The following DNAH5 variants were observed in gnomAD, a reference collection of about 807,000 sequenced individuals.
DNAH5 encodes the protein dynein axonemal heavy chain 5.
Under a neutral mutation model 518.2 loss-of-function variants are expected in DNAH5, and 372 were observed. That is an observed-to-expected ratio of 0.72 (90% CI 0.66 to 0.78). The LOEUF is 0.78. Among genes scored for constraint, DNAH5 ranks in the 30% least tolerant of loss-of-function variants. The pLI is 0.00. For synonymous variants in DNAH5, 2,039 were observed against 2,025.9 expected (o/e 1.01, Z -0.17); for missense variants, 5,523 against 5,687.0 (o/e 0.97, Z 0.93).
intron 31 of DNAH5, among the ~76,000 whole-genome samples, chr5:13,845,537 T>C (rs16902842): frequency 0.4 from 61,075 of 151,640 alleles, 12,704 homozygotes; most frequent in East Asian, 0.61. Context: ...TCGTCTCTGC[T>C]TCCAGGAGTT....
chr5:13,911,257 G>T (rs2151977435), intron 12 of DNAH5, 129 bp downstream of exon 12: 1 of 733,936 alleles, frequency 1.4e-6, no homozygotes, highest in South Asian at 1.5e-5. Context: ...AACACAGGCT[G>T]AGGTTGCTAT....
chr5:13,769,255 T>G lies in DNAH5; in HGVS notation c.9721-119A>C, dbSNP rs1752962454. The G allele has an allele frequency of 6.6e-6, 8 of 1,210,616 alleles. No homozygotes were observed. The East Asian group carries it at 1.9e-4, about 29-fold the overall frequency. The allele number at this position is 1,210,616 out of a possible 1,614,324, so 75.0% of individuals were successfully genotyped here. A position where few individuals can be genotyped will look rare whatever the true frequency, so the allele number is the denominator to read the frequency against. On this transcript the variant is annotated intron_variant, in intron 57 of 78. Coordinates refer to ENST00000265104, the MANE Select transcript of DNAH5 (RefSeq NM_001369.3). ...ACTTACCCAGTTTTGTTGTTTTTTT[T>G]TTTTTTTTTTGAGATGGAGTCTCGC...
chr5:13,846,867 T>A (rs73055833), intron 31 of DNAH5, among the ~76,000 whole-genome samples: 1 of 152,218 alleles, frequency 6.6e-6, no homozygotes, highest in Non-Finnish European at 1.5e-5. Context: ...ATGTTTATAA[T>A]GTTTACTTTT....
chr5:13,980,493 A>G (rs1782597435), intron 1 of DNAH5, among the ~76,000 whole-genome samples: 1 of 151,554 alleles, frequency 6.6e-6, no homozygotes. Context: ...CCCTCCTTCC[A>G]TTGCTAAGGC....
intron 60 of DNAH5, among the ~76,000 whole-genome samples, chr5:13,759,442 T>C (rs2126730534): frequency 1.3e-5 from 2 of 152,208 alleles, no homozygotes; most frequent in East Asian, 3.9e-4. Flanking sequence ...ATATTGAGAG[T>C]TGTAGAAAAA....
At chr5:13,865,942 T>G in intron 26 of DNAH5, 36 bp from the exon 27 acceptor site, 1 of 1,338,676 alleles carries the variant, frequency 7.5e-7, no homozygotes, top group Non-Finnish European at 1.1e-6. Flanking sequence ...ATCAAAATGA[T>G]TTATACATGA....
chr5:13,840,967 C>T lies in DNAH5; in HGVS notation c.5648G>A (p.Arg1883Gln), dbSNP rs747514968. ...AGTAATCAGAGTCTCGTATTTCACTCGTTCCGTGGAACTCAGATCCCTCGT... is the reference window on the plus strand; with the variant it reads ...AGTAATCAGAGTCTCGTATTTCACTTGTTCCGTGGAACTCAGATCCCTCGT... ...VTTRDLSSTE[R>Q]VKYETLITIH... The change falls in exon 34 of 79, where the codon CGA becomes CAA. Residue 1883 changes from arginine to glutamine, a missense_variant. By Grantham distance (43) the Arg-to-Gln change is conservative. This residue lies in a region of DNAH5 where 5,121 missense variants were observed against 5,223.3 expected (regional missense o/e 0.98). Transcript: ENST00000265104. 13 of 1,614,018 alleles carry T rather than the reference C, an allele frequency of 8.1e-6. No homozygotes were observed. The highest frequency in any genetic ancestry group is 4.4e-5 in the South Asian group (4 of 91,078).
chr5:13,951,213 T>G (rs1222113541), intron 1 of DNAH5, among the ~76,000 whole-genome samples: 15 of 58,788 alleles, frequency 2.6e-4, no homozygotes, highest in East Asian at 2.2e-3. Context: ...TTTTCGTTTT[T>G]TTTTTTTTTT....
intron 2 of DNAH5, among the ~76,000 whole-genome samples, chr5:13,930,307 C>T (rs1778297258): frequency 2.0e-5 from 3 of 152,106 alleles, no homozygotes; most frequent in African/African-American, 7.2e-5. Context: ...TTGGAACCAG[C>T]CATTGTGGGA....
At chr5:13,748,027 C>A (rs373209223) in intron 65 of DNAH5, among the ~76,000 whole-genome samples, 3 of 152,264 alleles carry the variant, frequency 2.0e-5, no homozygotes, top group Admixed American at 6.5e-5. Context: ...ACATTGAAGT[C>A]TTTAATCCAT....
chr5:14,001,356 T>G (rs976112963), intron 1 of DNAH5, among the ~76,000 whole-genome samples: 20 of 151,796 alleles, frequency 1.3e-4, no homozygotes, highest in Non-Finnish European at 5.9e-5. Flanking sequence ...TGATTTTTTG[T>G]TTTTTTTGTT....
Position 13,923,425 on chromosome 5 carries a change from A to G in DNAH5, c.293T>C (p.Leu98Pro), listed in dbSNP as rs1441282420. Reference sequence around the variant, plus strand: ...TCCAGAAACAAGATTTACCCCTCCTAGAGAGCCAAGTTGTCCTACAAAAGC... The same window carrying G: ...TCCAGAAACAAGATTTACCCCTCCTGGAGAGCCAAGTTGTCCTACAAAAGC... The part of the protein sequence containing the change: ...EEAETGQLGS[L>P]GGVNLVSGKI... The change falls in exon 4 of 79, where the codon CTA (leucine) becomes CCA (proline). Residue 98 changes from leucine to proline, a missense_variant. By Grantham distance (98) the Leu-to-Pro change is moderately conservative. Transcript: ENST00000265104. 6.2e-7 allele frequency: 1 copy of G among 1,614,102 alleles called. No homozygotes were observed. Among genetic ancestry groups the G allele is most frequent in the Admixed American group, 1.7e-5 (1 of 60,028 alleles).
intron 32 of DNAH5, among the ~76,000 whole-genome samples, 198 bp from the exon 33 acceptor site, chr5:13,842,102 A>T (rs1910088): frequency 6.6e-6 from 1 of 151,180 alleles, no homozygotes; most frequent in Non-Finnish European, 1.5e-5. Context: ...ATTCCAGGCC[A>T]GGCACAGTGG....
At chr5:13,993,178 T>C (rs1052959554) in intron 1 of DNAH5, among the ~76,000 whole-genome samples, 2 of 152,236 alleles carry the variant, frequency 1.3e-5, no homozygotes, top group African/African-American at 4.8e-5. Context: ...CAATGGAGAA[T>C]GCAGAATTCT....
intron 15 of DNAH5, chr5:13,898,872 T>A: frequency 2.8e-6 from 1 of 362,622 alleles, no homozygotes; most frequent in Non-Finnish European, 4.9e-6. Flanking sequence ...CATTTGCCAC[T>A]GGTGACCAGT....
intron 59 of DNAH5, among the ~76,000 whole-genome samples, chr5:13,763,486 G>A (rs1013074559): frequency 6.6e-6 from 1 of 152,134 alleles, no homozygotes; most frequent in African/African-American, 2.4e-5. Context: ...ATTATCTTCT[G>A]GTGGGATAAA....
intron 41 of DNAH5, 140 bp downstream of exon 41, chr5:13,820,206 G>A (rs1762033179): frequency 6.4e-6 from 6 of 941,548 alleles, no homozygotes; most frequent in Non-Finnish European, 9.7e-6. Flanking sequence ...TCTCTAAAAT[G>A]TTCCCAATAA....
rs140623816 is a variant in DNAH5 at position 13,877,014 on chromosome 5, C to CA, written c.3263-198dup. ...AAATTAATCAAAGCTTGCAATAATC[C>CA]AAAAAGTGTTTATTCAAGAACAATG... is the stretch of plus-strand genomic sequence containing the variant. On this transcript the variant is annotated intron_variant, in intron 21 of 78. Transcript: ENST00000265104. 0.034 allele frequency among the ~76,000 whole-genome samples: 5,183 copies of CA among 152,148 alleles called. 310 individuals carry two copies. The highest frequency in any genetic ancestry group is 0.12 in the African/African-American group (4,872 of 41,496).
chr5:13,989,384 T>C (rs770362857), intron 1 of DNAH5, among the ~76,000 whole-genome samples: 32 of 146,074 alleles, frequency 2.2e-4, no homozygotes, highest in Non-Finnish European at 4.4e-4. Flanking sequence ...TGTTGTAAAA[T>C]GAAAAAAAAA....
Sources: gnomAD v4.1 joint callset for allele counts (sites outside exome capture counted in the v4.1 genomes callset) on GRCh38, gnomAD v4.1.1 for gene constraint, gnomAD v4.1.1 regional missense constraint, MANE v1.5 for transcripts, NCBI Gene and HGNC (gene_info 2026-07-23, HGNC 2026-07-21) for gene names.